The following PRICKLE1 variants were observed in gnomAD, a reference collection of about 807,000 sequenced individuals.
PRICKLE1 encodes prickle-like protein 1.
PRICKLE1 carries 14 observed loss-of-function variants against 70.2 expected under a neutral mutation model. The observed-to-expected ratio is 0.20, with a 90% CI of 0.13 to 0.31. The LOEUF (loss-of-function observed/expected upper bound fraction) is 0.31. PRICKLE1 is among the 10% of genes least tolerant of loss of function. PRICKLE1 has a pLI of 1.00. For missense variants in PRICKLE1, 821 were observed against 1,026.2 expected, an observed-to-expected ratio of 0.80 and a Z score of 2.73; for synonymous variants, 357 against 379.9, an observed-to-expected ratio of 0.94 and a Z score of 0.70.
At position 42,514,349 on chromosome 12, in the gene PRICKLE1, C is replaced by T. The variant is rs567914153; in HGVS notation, c.-48-41785G>A. 2.6e-5 allele frequency among the ~76,000 whole-genome samples: 4 copies of T among 152,236 alleles called. No homozygotes were observed. The East Asian group carries it at 7.7e-4, about 29-fold the overall frequency. ...GCTTGTGTGTCAGAAAATGATTAAA[C>T]CTCCACCTGCTAGTTCTCTTATCTC... On this transcript the variant is annotated intron_variant, in intron 1 of 7. Coordinates refer to ENST00000345127, the MANE Select transcript of PRICKLE1 (RefSeq NM_153026.3).
chr12:42,532,363 T>C (rs1020003782), intron 1 of PRICKLE1, among the ~76,000 whole-genome samples: 34 of 152,094 alleles, frequency 2.2e-4, no homozygotes, highest in African/African-American at 8.0e-4. Context: ...GTCAAATAAT[T>C]TTACTCACAT....
At chr12:42,566,180 G>C (rs12320873) in intron 1 of PRICKLE1, among the ~76,000 whole-genome samples, 40,296 of 152,044 alleles carry the variant, frequency 0.27, 7,644 homozygotes, top group African/African-American at 0.54. Context: ...CAGAAGCCTG[G>C]ATTTAGGTGG....
chr12:42,540,817 T>C (rs1323973878), intron 1 of PRICKLE1, among the ~76,000 whole-genome samples: 1 of 152,126 alleles, frequency 6.6e-6, no homozygotes, highest in Non-Finnish European at 1.5e-5. Flanking sequence ...CACCTCAGCC[T>C]CCCAAAGTGC....
chr12:42,476,953 T>G (rs534086985), intron 1 of PRICKLE1, among the ~76,000 whole-genome samples: 1 of 152,272 alleles, frequency 6.6e-6, no homozygotes, highest in Non-Finnish European at 1.5e-5. Flanking sequence ...CCTGACTTCT[T>G]TCTTATTTTT....
At chr12:42,463,156 T>C (rs149808764) in intron 7 of PRICKLE1, among the ~76,000 whole-genome samples, 1,713 of 151,092 alleles carry the variant, frequency 0.011, 34 homozygotes, top group African/African-American at 0.039. Flanking sequence ...CTGGGCGTGG[T>C]GGCAGGCGCC....
chr12:42,495,180 G>A (rs1444033625), intron 1 of PRICKLE1, among the ~76,000 whole-genome samples: 1 of 151,308 alleles, frequency 6.6e-6, no homozygotes, highest in Non-Finnish European at 1.5e-5. Context: ...AGCAGCCTGG[G>A]CAACACAGTG....
At chr12:42,580,028 C>T (rs367774659) in intron 1 of PRICKLE1, among the ~76,000 whole-genome samples, 7 of 152,032 alleles carry the variant, frequency 4.6e-5, no homozygotes, top group Non-Finnish European at 7.4e-5. Context: ...CCCGCCACCA[C>T]GTCCAGCTAA....
intron 1 of PRICKLE1, among the ~76,000 whole-genome samples, chr12:42,563,194 AT>A (rs545085998): frequency 6.6e-6 from 1 of 151,430 alleles, no homozygotes; most frequent in Non-Finnish European, 1.5e-5. Context: ...AAAAAAAAAA[AT>A]TTTTTTTGAA....
At chr12:42,516,374 C>T (rs4768018) in intron 1 of PRICKLE1, among the ~76,000 whole-genome samples, 50,760 of 151,840 alleles carry the variant, frequency 0.33, 10,250 homozygotes, top group East Asian at 0.5. Flanking sequence ...CCTCGTGATC[C>T]GCCTGCCTCG....
intron 1 of PRICKLE1, among the ~76,000 whole-genome samples, chr12:42,510,861 T>C (rs905579791): frequency 1.3e-5 from 2 of 152,212 alleles, no homozygotes; most frequent in Admixed American, 1.3e-4. Flanking sequence ...AGTTGTGTGA[T>C]AAAAATGCCA....
At chr12:42,560,381 G>A (rs1325349245) in intron 1 of PRICKLE1, among the ~76,000 whole-genome samples, 1 of 151,842 alleles carries the variant, frequency 6.6e-6, no homozygotes, top group African/African-American at 2.4e-5. Context: ...TGATCCACCC[G>A]CCTCGGCTTC....
chr12:42,580,317 T>C (rs931044426), intron 1 of PRICKLE1, among the ~76,000 whole-genome samples: 8 of 152,196 alleles, frequency 5.3e-5, no homozygotes, highest in African/African-American at 1.7e-4. Flanking sequence ...TTCAACAGTA[T>C]ATTAATTATA....
intron 1 of PRICKLE1, among the ~76,000 whole-genome samples, chr12:42,577,491 T>C (rs896288283): frequency 6.6e-6 from 1 of 152,216 alleles, no homozygotes. Context: ...TGAAATAGAC[T>C]GTTAAAAAAA....
chr12:42,468,868 T>C, intron 4 of PRICKLE1, 39 bp from the exon 5 acceptor site: 2 of 1,589,128 alleles, frequency 1.3e-6, no homozygotes, highest in Non-Finnish European at 1.7e-6. Context: ...GGATCATTTT[T>C]TAAAGACAGG....
chr12:42,533,950 T>C (rs1939971438), intron 1 of PRICKLE1, among the ~76,000 whole-genome samples: 1 of 152,190 alleles, frequency 6.6e-6, no homozygotes, highest in South Asian at 2.1e-4. Context: ...CTCTGCACTG[T>C]CTAGCTATTC....
In PRICKLE1 at chr12:42,472,425, TCCAATGCACAG is replaced by T; in HGVS notation, c.81_91del (p.Cys28GlyfsTer30). 1 of 1,614,070 alleles carries T rather than the reference TCCAATGCACAG, an allele frequency of 6.2e-7. No homozygotes were observed. Among genetic ancestry groups the T allele is most frequent in the Non-Finnish European group, 8.5e-7 (1 of 1,180,000 alleles). ...GCCCGGGGGGACCCAGGCGTACTCC[TCCAATGCACAG>T]CCAGAGTCATCATCTGATGTGGAAC... On this transcript the variant is annotated frameshift_variant, in exon 2 of 8. Transcript: ENST00000345127. LOFTEE classifies it high-confidence loss of function.
intron 1 of PRICKLE1, among the ~76,000 whole-genome samples, chr12:42,585,127 C>T (rs113865913): frequency 3.9e-5 from 6 of 152,090 alleles, no homozygotes; most frequent in African/African-American, 1.2e-4. Context: ...AATGCAACTG[C>T]TGTTGAATTG....
intron 1 of PRICKLE1, among the ~76,000 whole-genome samples, chr12:42,504,883 C>G (rs1022653501): frequency 2.6e-5 from 4 of 152,126 alleles, no homozygotes; most frequent in Admixed American, 2.6e-4. Context: ...TCACTCATGC[C>G]TGTAATCTAG....
intron 1 of PRICKLE1, among the ~76,000 whole-genome samples, chr12:42,578,469 A>G (rs1056162428): frequency 5.3e-5 from 8 of 152,132 alleles, no homozygotes; most frequent in Admixed American, 3.3e-4. Context: ...TCAATCTTCT[A>G]TTAATATAGC....
Sources: allele counts gnomAD v4.1 joint callset (sites outside exome capture counted in the v4.1 genomes callset), GRCh38; gene constraint gnomAD v4.1.1; transcripts MANE v1.5; gene names NCBI Gene and HGNC (gene_info 2026-07-23, HGNC 2026-07-21).